Variants in DNAH9 observed in about 807,000 individuals in gnomAD.
DNAH9 encodes DNAH9 variant protein.
DNAH9 carries 345 observed loss-of-function variants against 471.6 expected under a neutral mutation model. The ratio of observed to expected loss-of-function variants is 0.73; its 90% CI spans 0.67 to 0.80. The LOEUF is 0.80. Ranked by LOEUF, DNAH9 falls within the 30% of genes least tolerant of loss-of-function variation. The probability of loss-of-function intolerance (pLI) is 0.00; values close to 1 mark genes in which losing one functional copy is unlikely to be tolerated. For synonymous variants in DNAH9, 2,093 were observed against 2,123.6 expected, an observed-to-expected ratio of 0.99 and a Z score of 0.40; for missense variants, 5,407 against 5,609.2, an observed-to-expected ratio of 0.96 and a Z score of 1.15.
chr17:11,629,607 C>T (rs370657169), intron 7 of DNAH9, 23 bp downstream of exon 7: 83 of 1,606,164 alleles, frequency 5.2e-5, no homozygotes, highest in Middle Eastern at 2.0e-4. Flanking sequence ...AGGGCTGAAT[C>T]GCCAGCTCTG....
intron 3 of DNAH9, 64 bp downstream of exon 3, chr17:11,610,618 G>C (rs1403076425): frequency 1.3e-6 from 2 of 1,523,098 alleles, no homozygotes; most frequent in East Asian, 4.5e-5. Flanking sequence ...TAAAGCTAGA[G>C]CTTTCCTGGG....
chr17:11,608,158 G>T lies in DNAH9; in HGVS notation c.447G>T (p.Lys149Asn). 6.2e-7 allele frequency: 1 copy of T among 1,609,862 alleles called. No individual in the cohort carries two copies. The highest frequency in any genetic ancestry group is 8.5e-7 in the Non-Finnish European group (1 of 1,176,602). The stretch of plus-strand genomic sequence containing the variant: ...TTCTACCCGTCCTGGCCAATGAGAA[G>T]AATCGCCTAAACTGGCCCCACATGA... ...EVVLPVLANE[K>N]NRLNWPHMIC... Residue 149 changes from lysine to asparagine, a missense_variant, in exon 2 of 69, where the codon AAG (lysine) becomes AAT (asparagine). Around this residue, in one of 3 missense-constraint regions of DNAH9, gnomAD observed 767 missense variants for 692.5 expected, o/e 1.11. Coordinates refer to ENST00000262442, the MANE Select transcript of DNAH9 (RefSeq NM_001372.4).
At chr17:11,704,056 GGT>G (rs771450118) in intron 24 of DNAH9, 145 bp from the exon 25 acceptor site, 15 of 890,316 alleles carry the variant, frequency 1.7e-5, no homozygotes, top group Non-Finnish European at 2.6e-5. Context: ...TAGAGCATAT[GGT>G]TCACTTAGTC....
Position 11,727,891 on chromosome 17 carries a change from C to G in DNAH9, c.5783C>G (p.Ser1928Cys), listed in dbSNP as rs779784796. 1 of 1,614,022 alleles carries G rather than the reference C, an allele frequency of 6.2e-7. No individual in the cohort carries two copies. Among genetic ancestry groups the G allele is most frequent in the African/African-American group, 1.3e-5 (1 of 75,012 alleles). The part of the protein sequence containing the change: ...WGCFDEFNRI[S>C]VEVLSVVAVQ... ...TGCTTTGATGAGTTTAATCGAATCT[C>G]CGTGGAGGTCTTGTCAGTGGTGGCA... Residue 1928 changes from serine (S) to cysteine (C), a missense_variant, in exon 28 of 69, where the codon TCC (serine) becomes TGC (cysteine). Physicochemically the swap from Ser to Cys is moderately radical, Grantham distance 112 (BLOSUM62 -1). Transcript: ENST00000262442.
At chr17:11,663,670 T>C (rs529158309) in intron 14 of DNAH9, among the ~76,000 whole-genome samples, 1 of 152,334 alleles carries the variant, frequency 6.6e-6, no homozygotes, top group South Asian at 2.1e-4. Flanking sequence ...CCGCAATAGA[T>C]TTGAGGCAGT....
intron 49 of DNAH9, among the ~76,000 whole-genome samples, chr17:11,835,697 A>G (rs908921078): frequency 1.3e-5 from 2 of 152,120 alleles, no homozygotes; most frequent in African/African-American, 4.8e-5. Context: ...TGTTTTTTGG[A>G]GATCCTCTGC....
At chr17:11,747,018 G>A (rs1014239042) in intron 31 of DNAH9, among the ~76,000 whole-genome samples, 1 of 152,172 alleles carries the variant, frequency 6.6e-6, no homozygotes, top group African/African-American at 2.4e-5. Context: ...TCAAATTAGA[G>A]CTGGAAGTCA....
At chr17:11,676,266 A>G (rs920933597) in intron 17 of DNAH9, among the ~76,000 whole-genome samples, 48 of 116,360 alleles carry the variant, frequency 4.1e-4, no homozygotes, top group Middle Eastern at 0.011. Flanking sequence ...CCCTCTTTTC[A>G]TTTCTGTTCT....
intron 13 of DNAH9, among the ~76,000 whole-genome samples, chr17:11,652,214 G>C (rs2073522665): frequency 6.7e-6 from 1 of 149,450 alleles, no homozygotes; most frequent in Non-Finnish European, 1.5e-5. Flanking sequence ...ACCAGCTTTT[G>C]TGTGCTTGGT....
At position 11,636,678 on chromosome 17, in the gene DNAH9, G is replaced by A. The variant is rs773005835; in HGVS notation, c.1680G>A (p.Ala560=). ...ACCTCCTTGAAAGACCGCTGGTAGC[G>A]AGGGATACATCTGATAAATACCTGG... ...AGNLLERPLV[A]RDTSDKYLVL... is the part of the protein sequence containing the mutation. Residue 560 remains alanine (A), a synonymous_variant, in exon 9 of 69, where the codon GCG becomes GCA. Coordinates refer to ENST00000262442, the MANE Select transcript of DNAH9 (RefSeq NM_001372.4). 3.7e-6 allele frequency: 6 copies of A among 1,613,654 alleles called. No homozygotes were observed. The highest frequency in any genetic ancestry group is 2.2e-5 in the South Asian group (2 of 91,054).
At chr17:11,863,942 A>G (rs1220535256) in intron 50 of DNAH9, among the ~76,000 whole-genome samples, 1 of 151,902 alleles carries the variant, frequency 6.6e-6, no homozygotes, top group African/African-American at 2.4e-5. Context: ...CTAGCGGTCT[A>G]TCAATTTTGT....
intron 43 of DNAH9, among the ~76,000 whole-genome samples, chr17:11,798,592 C>T (rs968424687): frequency 3.3e-5 from 5 of 152,046 alleles, no homozygotes; most frequent in South Asian, 2.1e-4. Flanking sequence ...ACAGTCTAGC[C>T]TCACACCAAC....
chr17:11,748,772 G>A (rs531989312), intron 32 of DNAH9, among the ~76,000 whole-genome samples: 2 of 152,262 alleles, frequency 1.3e-5, no homozygotes, highest in South Asian at 2.1e-4. Context: ...GGGAAAAAAA[G>A]AGGTCCTTGA....
intron 38 of DNAH9, among the ~76,000 whole-genome samples, chr17:11,773,176 A>G (rs1239993685): frequency 1.3e-5 from 2 of 152,228 alleles, no homozygotes; most frequent in East Asian, 3.8e-4. Context: ...TGAACCCGTT[A>G]ACTCATTTTG....
At chr17:11,611,931 T>G in intron 4 of DNAH9, 151 bp downstream of exon 4, 2 of 729,310 alleles carry the variant, frequency 2.7e-6, no homozygotes, top group Non-Finnish European at 4.8e-6. Context: ...ATACCACATC[T>G]AGATACATGA....
At chr17:11,906,048 C>A (rs1973586161) in intron 61 of DNAH9, among the ~76,000 whole-genome samples, 6 of 152,118 alleles carry the variant, frequency 3.9e-5, no homozygotes, top group Admixed American at 1.3e-4. Flanking sequence ...GGCCTCGTCC[C>A]CTCCACTCTG....
chr17:11,915,264 G>A (rs1973908231), intron 61 of DNAH9, among the ~76,000 whole-genome samples: 3 of 151,610 alleles, frequency 2.0e-5, no homozygotes, highest in Non-Finnish European at 4.4e-5. Flanking sequence ...AGTGGCTCAC[G>A]CCTGTAATCC....
chr17:11,656,187 T>A (rs1228446451), intron 14 of DNAH9, among the ~76,000 whole-genome samples: 1 of 152,206 alleles, frequency 6.6e-6, no homozygotes, highest in Non-Finnish European at 1.5e-5. Context: ...ATCAGCAGTG[T>A]AAAAGTGTTC....
chr17:11,737,987 T>C (rs1439577383), intron 28 of DNAH9, among the ~76,000 whole-genome samples: 1 of 152,198 alleles, frequency 6.6e-6, no homozygotes, highest in Non-Finnish European at 1.5e-5. Context: ...TTTATTTCAT[T>C]TACTTAGAAC....
Sources: gnomAD v4.1 joint callset for allele counts (sites outside exome capture counted in the v4.1 genomes callset) on GRCh38, gnomAD v4.1.1 for gene constraint, gnomAD v4.1.1 regional missense constraint, MANE v1.5 for transcripts, NCBI Gene and HGNC (gene_info 2026-07-23, HGNC 2026-07-21) for gene names.